Variants in VCL observed in about 807,000 individuals in gnomAD.
VCL encodes the protein vinculin.
Under a neutral mutation model 125.7 loss-of-function variants are expected in VCL, and 47 were observed. That is an observed-to-expected ratio of 0.37 (90% CI 0.30 to 0.48). The LOEUF (loss-of-function observed/expected upper bound fraction) is 0.48, where lower values mean the gene tolerates loss of function less well. Ranked by LOEUF, VCL falls within the 20% of genes least tolerant of loss-of-function variation. The probability of loss-of-function intolerance (pLI) is 0.99; values close to 1 mark genes in which losing one functional copy is unlikely to be tolerated. For missense variants in VCL, 1,069 were observed against 1,455.5 expected (o/e 0.73, Z 4.32); for synonymous variants, 458 against 514.6 (o/e 0.89, Z 1.49).
chr10:74,113,046 T>A (rs1034035563), intron 19 of VCL, among the ~76,000 whole-genome samples: 1 of 152,160 alleles, frequency 6.6e-6, no homozygotes, highest in African/African-American at 2.4e-5. Context: ...CCAGCATAAA[T>A]GATGAACCGC....
At chr10:74,086,405 G>A (rs927694296) in intron 8 of VCL, among the ~76,000 whole-genome samples, 2 of 152,226 alleles carry the variant, frequency 1.3e-5, no homozygotes, top group African/African-American at 4.8e-5. Flanking sequence ...ATCCCATTGA[G>A]TTCAGTGAAT....
chr10:74,103,847 A>T lies in VCL; in HGVS notation c.2050A>T (p.Arg684Trp), dbSNP rs730880249. 2 of 1,614,192 alleles carry T rather than the reference A, an allele frequency of 1.2e-6. No individual in the cohort carries two copies. Among genetic ancestry groups the T allele is most frequent in the Non-Finnish European group, 1.7e-6 (2 of 1,180,008 alleles). Reference sequence around the variant, plus strand: ...GGTCTCGGCTGCTCGTATCTTACTTAGGAACCCTGGAAATCAAGCTGCTTA... The same window carrying T: ...GGTCTCGGCTGCTCGTATCTTACTTTGGAACCCTGGAAATCAAGCTGCTTA... ...QVVSAARILL[R>W]NPGNQAAYEH... The change falls in exon 15 of 22, where the codon AGG (arginine) becomes TGG (tryptophan). Residue 684 changes from arginine (R) to tryptophan (W), a missense_variant. Physicochemically the swap from Arg to Trp is moderately radical, Grantham distance 101. This residue lies in a region of VCL where 760 missense variants were observed against 928.9 expected (regional missense o/e 0.82). Transcript: ENST00000211998.
In VCL at chr10:74,045,622, C is replaced by CAA. The variant is rs71482565; in HGVS notation, c.239+2486_239+2487dup. ...TGGGTGACAGAGTGAGACTCTGTCT[C>CAA]AAAAAAAAAAAAAAAAAAGTTCAAA... On this transcript the variant is annotated intron_variant, in intron 2 of 21. Transcript: ENST00000211998. Among the ~76,000 whole-genome samples, 170 of 92,928 alleles carry CAA rather than the reference C, an allele frequency of 1.8e-3. 4 individuals carry two copies. Among genetic ancestry groups the CAA allele is most frequent in the Non-Finnish European group, 1.4e-3 (72 of 50,508 alleles). The allele number at this position is 92,928 out of a possible 152,430, so 61.0% of individuals were successfully genotyped here. A position where few individuals can be genotyped will look rare whatever the true frequency, so the allele number is the denominator to read the frequency against.
intron 2 of VCL, among the ~76,000 whole-genome samples, chr10:74,052,423 T>C (rs1358134752): frequency 1.3e-5 from 2 of 149,718 alleles, no homozygotes; most frequent in Non-Finnish European, 3.0e-5. Context: ...GTAGCACAAG[T>C]TGGAGTGCAG....
At chr10:74,080,843 G>A (rs1839664047) in intron 6 of VCL, among the ~76,000 whole-genome samples, 1 of 152,180 alleles carries the variant, frequency 6.6e-6, no homozygotes, top group South Asian at 2.1e-4. Context: ...CTGGCCTCAA[G>A]TCTTTTAAAA....
intron 14 of VCL, among the ~76,000 whole-genome samples, chr10:74,101,830 TAC>T (rs1469927857): frequency 6.6e-6 from 1 of 151,522 alleles, no homozygotes; most frequent in Admixed American, 6.6e-5. Context: ...CCTTGCCACA[TAC>T]ACACATAACT....
At chr10:74,120,203 G>A (rs190121653), downstream of VCL, 3 of 152,214 alleles carry the variant, frequency 2.0e-5, no homozygotes, top group East Asian at 5.8e-4. Context: ...GAACTTTTAG[G>A]TCAGGTTTCT....
At chr10:74,043,799 A>C (rs546560282) in intron 2 of VCL, among the ~76,000 whole-genome samples, 1 of 152,204 alleles carries the variant, frequency 6.6e-6, no homozygotes, top group South Asian at 2.1e-4. Context: ...ATAATGGTAG[A>C]TATAAACTTT....
At chr10:74,068,782 A>G (rs1841615681) in intron 2 of VCL, among the ~76,000 whole-genome samples, 2 of 152,188 alleles carry the variant, frequency 1.3e-5, no homozygotes, top group East Asian at 3.8e-4. Context: ...ATACAGAGGA[A>G]ATACAACATT....
chr10:74,115,999 C>A (rs1840305530), intron 21 of VCL, among the ~76,000 whole-genome samples: 1 of 152,216 alleles, frequency 6.6e-6, no homozygotes, highest in South Asian at 2.1e-4. Context: ...GGGCTCCTCA[C>A]ACATGGGGTA....
chr10:73,999,138 G>A (rs114462211), intron 1 of VCL, among the ~76,000 whole-genome samples: 2 of 152,106 alleles, frequency 1.3e-5, no homozygotes, highest in African/African-American at 4.8e-5. Context: ...TTCACCTGGC[G>A]TTACCTGCTG....
chr10:74,094,173 G>A, intron 10 of VCL, 98 bp from the exon 11 acceptor site: 1 of 1,449,282 alleles, frequency 6.9e-7, no homozygotes, highest in Non-Finnish European at 9.5e-7. Context: ...GTAATCAGGA[G>A]CAATTTGTCA....
At chr10:74,055,078 T>A (rs1841369312) in intron 2 of VCL, among the ~76,000 whole-genome samples, 2 of 151,988 alleles carry the variant, frequency 1.3e-5, no homozygotes, top group African/African-American at 4.8e-5. Flanking sequence ...GGTGGGCAGA[T>A]CACTTGAGGT....
chr10:74,106,893 C>T (rs2131930883), intron 16 of VCL, among the ~76,000 whole-genome samples: 1 of 152,286 alleles, frequency 6.6e-6, no homozygotes, highest in East Asian at 1.9e-4. Context: ...CTGAGTTGGG[C>T]AGGCTTATCT....
At chr10:74,064,848 A>G (rs1258697920) in intron 2 of VCL, among the ~76,000 whole-genome samples, 4 of 152,202 alleles carry the variant, frequency 2.6e-5, no homozygotes, top group Non-Finnish European at 5.9e-5. Context: ...GCCTAAATAT[A>G]TTTTAGTGCC....
chr10:74,100,993 C>G lies in VCL; in HGVS notation c.1918C>G (p.Leu640Val), dbSNP rs886047219. ...TAACTTTGAAAACCATTCAGGAAAG[C>G]TTGGTGCTACGGCCGAGAAGGCGGC... The part of the protein sequence containing the change: ...AANFENHSGK[L>V]GATAEKAAAV... Residue 640 changes from leucine to valine, a missense_variant, in exon 14 of 22, where the codon CTT becomes GTT. Coordinates refer to ENST00000211998, the MANE Select transcript of VCL (RefSeq NM_014000.3). 1.9e-6 allele frequency: 3 copies of G among 1,613,910 alleles called. No individual in the cohort carries two copies. Among genetic ancestry groups the G allele is most frequent in the African/African-American group, 2.7e-5 (2 of 74,894 alleles).
intron 1 of VCL, among the ~76,000 whole-genome samples, chr10:74,031,805 C>T (rs1347525724): frequency 6.6e-6 from 1 of 152,086 alleles, no homozygotes; most frequent in Non-Finnish European, 1.5e-5. Context: ...TGGCTCATGC[C>T]TGTAATCCCA....
intron 19 of VCL, among the ~76,000 whole-genome samples, chr10:74,112,868 G>A (rs1410751051): frequency 6.6e-6 from 1 of 152,144 alleles, no homozygotes; most frequent in Non-Finnish European, 1.5e-5. Flanking sequence ...ACTAACCATG[G>A]CACTATGCTA....
At chr10:74,105,452 T>TG (rs1441526317) in intron 16 of VCL, 99 bp downstream of exon 16, 2 of 1,492,184 alleles carry the variant, frequency 1.3e-6, no homozygotes, top group East Asian at 2.3e-5. Flanking sequence ...ATACAAAGTC[T>TG]GGGGGCAAAA....
Sources: gnomAD v4.1 joint callset for allele counts (sites outside exome capture counted in the v4.1 genomes callset) on GRCh38, gnomAD v4.1.1 for gene constraint, gnomAD v4.1.1 regional missense constraint, MANE v1.5 for transcripts, NCBI Gene and HGNC (gene_info 2026-07-23, HGNC 2026-07-21) for gene names.